FHOD3: variants seen among roughly 807,000 people sequenced by gnomAD.
FHOD3 encodes the protein FH1/FH2 domain-containing protein 3.
Under a neutral mutation model 173.0 loss-of-function variants are expected in FHOD3, and 90 were observed. That is an observed-to-expected ratio of 0.52 (90% CI 0.44 to 0.62). FHOD3 has a LOEUF of 0.62. FHOD3 is among the 20% of genes least tolerant of loss of function. The probability of loss-of-function intolerance (pLI) is 0.00; values close to 1 mark genes in which losing one functional copy is unlikely to be tolerated. For missense variants in FHOD3, 1,945 were observed against 2,034.7 expected, an observed-to-expected ratio of 0.96 and a Z score of 0.85; for synonymous variants, 828 against 823.0, an observed-to-expected ratio of 1.01 and a Z score of -0.10.
In FHOD3 at chr18:36,779,998, A is replaced by G. The variant is rs2043961946; in HGVS notation, c.*468A>G. On this transcript the variant is annotated 3_prime_UTR_variant, in exon 29 of 29. Coordinates refer to ENST00000590592, the MANE Select transcript of FHOD3 (RefSeq NM_001281740.3). Reference sequence around the variant, plus strand: ...TGGATTTTAGATGTAACAAATGTTTATACAAATACATACATGTACACCATG... The same window carrying G: ...TGGATTTTAGATGTAACAAATGTTTGTACAAATACATACATGTACACCATG... The G allele has an allele frequency of 1.9e-6, 1 of 536,816 alleles. No homozygotes were observed. The highest frequency in any genetic ancestry group is 9.5e-5 in the South Asian group (1 of 10,520). The allele number at this position is 536,816 out of a possible 1,614,324, so 33.3% of individuals were successfully genotyped here.
intron 3 of FHOD3, among the ~76,000 whole-genome samples, chr18:36,437,682 T>TTTTTTTTGTTA (rs71168224): frequency 7.7e-6 from 1 of 129,618 alleles, no homozygotes; most frequent in Non-Finnish European, 1.6e-5. Context: ...TTTTTTTTTT[T>TTTTTTTTGTTA]AAGACAGAGT....
Position 36,372,874 on chromosome 18 carries a change from A to G in FHOD3, c.337+130A>G, listed in dbSNP as rs539319757. 6.8e-6 allele frequency: 5 copies of G among 731,218 alleles called. No individual in the cohort carries two copies. The Admixed American group carries it at 1.3e-4, about 19-fold the overall frequency. The allele number at this position is 731,218 out of a possible 1,614,324, so 45.3% of individuals were successfully genotyped here. A position where few individuals can be genotyped will look rare whatever the true frequency, so the allele number is the denominator to read the frequency against. ...TCATGAGTTCTTAGAGTTTTAGTGA[A>G]ACAATTTCCAGCAATGATTTTTGAA... On this transcript the variant is annotated intron_variant, in intron 3 of 28. Coordinates refer to ENST00000590592, the MANE Select transcript of FHOD3 (RefSeq NM_001281740.3).
chr18:36,728,168 T>C (rs1408385013), intron 19 of FHOD3, among the ~76,000 whole-genome samples: 4 of 152,138 alleles, frequency 2.6e-5, no homozygotes, highest in Non-Finnish European at 5.9e-5. Context: ...AATGGACACA[T>C]TGCCAGCCTG....
chr18:36,585,654 C>T (rs1452747274), intron 6 of FHOD3, among the ~76,000 whole-genome samples: 1 of 152,178 alleles, frequency 6.6e-6, no homozygotes, highest in Non-Finnish European at 1.5e-5. Context: ...TGTGGTTCCT[C>T]AATTCTTAAG....
intron 16 of FHOD3, among the ~76,000 whole-genome samples, chr18:36,692,220 G>A (rs532585524): frequency 6.6e-6 from 1 of 152,326 alleles, no homozygotes; most frequent in South Asian, 2.1e-4. Context: ...TTAATTATGT[G>A]CTCTGCCTTT....
At chr18:36,726,707 C>T (rs1400611892) in intron 19 of FHOD3, among the ~76,000 whole-genome samples, 2 of 152,044 alleles carry the variant, frequency 1.3e-5, no homozygotes, top group Non-Finnish European at 2.9e-5. Context: ...TGGAGTCTCA[C>T]TCTGTCACCC....
chr18:36,755,037 G>T, intron 24 of FHOD3, 82 bp from the exon 25 acceptor site: 2 of 516,432 alleles, frequency 3.9e-6, no homozygotes, highest in Non-Finnish European at 6.3e-6. Flanking sequence ...TTCTCACATT[G>T]GTTTCTTACT....
chr18:36,673,036 A>G (rs1192251087), intron 14 of FHOD3, among the ~76,000 whole-genome samples: 5 of 152,176 alleles, frequency 3.3e-5, no homozygotes, highest in Admixed American at 2.6e-4. Flanking sequence ...ATTTGCAGGT[A>G]ATTAGATAAA....
At chr18:36,498,080 C>T (rs2054839045) in intron 3 of FHOD3, among the ~76,000 whole-genome samples, 1 of 152,052 alleles carries the variant, frequency 6.6e-6, no homozygotes, top group Non-Finnish European at 1.5e-5. Context: ...TTAAACAATA[C>T]ACCTTAATAA....
intron 9 of FHOD3, among the ~76,000 whole-genome samples, chr18:36,620,493 T>C (rs1169829958): frequency 2.6e-5 from 4 of 152,176 alleles, no homozygotes; most frequent in Non-Finnish European, 5.9e-5. Context: ...ACACCTCTGA[T>C]TTAACACTCC....
chr18:36,544,236 CG>C (rs2057332566), intron 5 of FHOD3, among the ~76,000 whole-genome samples: 1 of 152,160 alleles, frequency 6.6e-6, no homozygotes, highest in African/African-American at 2.4e-5. Flanking sequence ...GAGTTAGTGC[CG>C]GGAGCTGGTG....
rs569001994 is a variant in FHOD3 at position 36,438,952 on chromosome 18, C to T, written c.338-62980C>T. On this transcript the variant is annotated intron_variant, in intron 3 of 28. Transcript: ENST00000590592. ...CTGGGATGACTCTGTCTACCTCGCA[C>T]CCAAAGTTGTGCTGAACACAGGCAG... Among the ~76,000 whole-genome samples, 280 of 152,296 alleles carry T rather than the reference C, an allele frequency of 1.8e-3. 3 individuals are homozygous for T. Among genetic ancestry groups the T allele is most frequent in the African/African-American group, 6.1e-3 (255 of 41,558 alleles).
chr18:36,638,224 A>G (rs1014128889), intron 10 of FHOD3, among the ~76,000 whole-genome samples: 1 of 152,214 alleles, frequency 6.6e-6, no homozygotes, highest in African/African-American at 2.4e-5. Context: ...TTGAGTCCCA[A>G]AGGATGAGAA....
chr18:36,512,481 T>A lies in FHOD3; in HGVS notation c.449T>A (p.Leu150Gln). Residue 150 changes from leucine (L) to glutamine (Q), a missense_variant, in exon 5 of 29, where the codon CTG (leucine) becomes CAG (glutamine). Transcript: ENST00000590592. ...LVHEFVVAEGLTCLIKVGAEA... is the reference protein window; with the variant it reads ...LVHEFVVAEGQTCLIKVGAEA... ...CATGAATTTGTAGTGGCTGAAGGTC[T>A]GACATGTTTGATCAAGGTGGGAGCT... 1 of 1,614,138 alleles carries A rather than the reference T, an allele frequency of 6.2e-7. No individual in the cohort carries two copies. The highest frequency in any genetic ancestry group is 8.5e-7 in the Non-Finnish European group (1 of 1,180,030).
At chr18:36,360,293 A>G (rs1163991386) in intron 2 of FHOD3, among the ~76,000 whole-genome samples, 1 of 152,208 alleles carries the variant, frequency 6.6e-6, no homozygotes, top group South Asian at 2.1e-4. Flanking sequence ...GTGGCTGGAC[A>G]TGGCATACAC....
At chr18:36,539,723 G>A (rs1880411950) in intron 5 of FHOD3, among the ~76,000 whole-genome samples, 2 of 152,296 alleles carry the variant, frequency 1.3e-5, no homozygotes, top group South Asian at 2.1e-4. Context: ...TAAAACCAAA[G>A]CAATGTTTTC....
At chr18:36,360,583 G>A (rs571795961) in intron 2 of FHOD3, among the ~76,000 whole-genome samples, 38 of 152,304 alleles carry the variant, frequency 2.5e-4, no homozygotes, top group African/African-American at 8.7e-4. Context: ...GGGTACATGG[G>A]TCCTGCCAGC....
At chr18:36,620,159 C>T (rs1287373334) in intron 9 of FHOD3, among the ~76,000 whole-genome samples, 1 of 152,184 alleles carries the variant, frequency 6.6e-6, no homozygotes. Context: ...TACAAGGGCC[C>T]TCCATACTCC....
chr18:36,300,536 C>A (rs562036259), intron 1 of FHOD3, among the ~76,000 whole-genome samples: 241 of 152,276 alleles, frequency 1.6e-3, no homozygotes, highest in African/African-American at 5.4e-3. Context: ...CAGGACCCTG[C>A]CACCAGTGAG....
Sources: allele counts gnomAD v4.1 joint callset (sites outside exome capture counted in the v4.1 genomes callset), GRCh38; gene constraint gnomAD v4.1.1; transcripts MANE v1.5; gene names NCBI Gene and HGNC (gene_info 2026-07-23, HGNC 2026-07-21).